Variants in NFIC observed in about 807,000 individuals in gnomAD.
The protein encoded by NFIC is nuclear factor I C, also known as nuclear factor 1 C-type.
Under a neutral mutation model 54.4 loss-of-function variants are expected in NFIC, and 12 were observed. That is an observed-to-expected ratio of 0.22 (90% CI 0.14 to 0.36). The LOEUF is 0.36. NFIC is among the 10% of genes least tolerant of loss of function. The pLI, the probability that NFIC is intolerant of heterozygous loss-of-function variation, is 1.00. For synonymous variants in NFIC, 322 were observed against 319.2 expected, an observed-to-expected ratio of 1.01 and a Z score of -0.09; for missense variants, 575 against 718.2, an observed-to-expected ratio of 0.80 and a Z score of 2.28.
At chr19:3,411,864 A>G (rs953542086) in intron 2 of NFIC, among the ~76,000 whole-genome samples, 2 of 152,152 alleles carry the variant, frequency 1.3e-5, no homozygotes, top group African/African-American at 2.4e-5. Flanking sequence ...TATATTGACC[A>G]GCACCAGGTG....
At chr19:3,361,958 G>T (rs766704064), upstream of NFIC, among the ~76,000 whole-genome samples, 1 of 152,120 alleles carries the variant, frequency 6.6e-6, no homozygotes, top group South Asian at 2.1e-4. Context: ...AGAGACAGAC[G>T]TCACACACAC....
chr19:3,362,556 G>T (rs748364084), upstream of NFIC, among the ~76,000 whole-genome samples: 6 of 151,932 alleles, frequency 3.9e-5, no homozygotes, highest in Non-Finnish European at 7.4e-5. Flanking sequence ...GCTGTGTGTC[G>T]TGTGGAGTCT....
In NFIC at chr19:3,459,437, T is replaced by TA. The variant is rs2082609036; in HGVS notation, c.1509+2804dup. Among the ~76,000 whole-genome samples, 2 of 151,688 alleles carry TA rather than the reference T, an allele frequency of 1.3e-5. No individual in the cohort carries two copies. Among genetic ancestry groups the TA allele is most frequent in the African/African-American group, 4.9e-5 (2 of 41,002 alleles). ...CATTTCTCCTGCACGGGAACCCACG[T>TA]AAGCAGCTGGGTAAACCGAGGGTGG... On this transcript the variant is annotated intron_variant, in intron 10 of 10. Coordinates refer to ENST00000443272, the MANE Select transcript of NFIC (RefSeq NM_001245002.2). This position sits in a 1 kb window ranked among gnomAD's most constrained non-coding sequence, Gnocchi z 4.2.
chr19:3,389,271 G>A (rs1477506222), intron 2 of NFIC, among the ~76,000 whole-genome samples: 3 of 152,156 alleles, frequency 2.0e-5, no homozygotes, highest in Non-Finnish European at 2.9e-5. Flanking sequence ...TGGGAGTGAG[G>A]GACCTGGGTC....
intron 1 of NFIC, among the ~76,000 whole-genome samples, chr19:3,360,895 C>T (rs2080802307): frequency 6.6e-6 from 1 of 152,138 alleles, no homozygotes; most frequent in African/African-American, 2.4e-5. Context: ...TTCCAGGGGA[C>T]AGTTGGGTGC....
At chr19:3,388,440 A>G (rs542461260) in intron 2 of NFIC, among the ~76,000 whole-genome samples, 1 of 152,208 alleles carries the variant, frequency 6.6e-6, no homozygotes, top group African/African-American at 2.4e-5. Flanking sequence ...GAGGAAGCAG[A>G]GACCCAGAGG....
chr19:3,460,504 G>GTT (rs777713502), intron 10 of NFIC, among the ~76,000 whole-genome samples: 1 of 149,766 alleles, frequency 6.7e-6, no homozygotes, highest in Non-Finnish European at 1.5e-5. Flanking sequence ...ATTTTTTTTT[G>GTT]TTTTTTTTTG....
At chr19:3,419,543 C>T (rs1259892468) in intron 2 of NFIC, among the ~76,000 whole-genome samples, 2 of 151,612 alleles carry the variant, frequency 1.3e-5, no homozygotes, top group African/African-American at 2.4e-5. Context: ...CTGAGGCACG[C>T]GGATCACTTG....
intron 1 of NFIC, among the ~76,000 whole-genome samples, chr19:3,378,196 G>GGTTGCTTT (rs1250821703): frequency 1.3e-5 from 2 of 151,702 alleles, no homozygotes; most frequent in African/African-American, 4.8e-5. Flanking sequence ...GGGAGGCGGA[G>GGTTGCTTT]GTTGCAGTGA....
At chr19:3,368,704 C>A (rs1465560001) in intron 1 of NFIC, among the ~76,000 whole-genome samples, 1 of 152,100 alleles carries the variant, frequency 6.6e-6, no homozygotes, top group Non-Finnish European at 1.5e-5. Flanking sequence ...TGAATGTAAT[C>A]CCCACTGTTC....
rs1456510869 is a variant in NFIC at position 3,377,750 on chromosome 19, TA to T, written c.31-3961del. Among the ~76,000 whole-genome samples, 5 of 152,200 alleles carry T rather than the reference TA, an allele frequency of 3.3e-5. No homozygotes were observed. The East Asian group carries it at 9.7e-4, about 29-fold the overall frequency. On this transcript the variant is annotated intron_variant, in intron 1 of 10. Transcript: ENST00000443272. Reference sequence around the variant, plus strand: ...CCTCAGCCTCCTAAGTAGCTAGGACTACAGGTGTGCGCCACAGCAACTATGC... The same window carrying T: ...CCTCAGCCTCCTAAGTAGCTAGGACTCAGGTGTGCGCCACAGCAACTATGC...
In NFIC at chr19:3,464,398, C is replaced by A. The variant is rs2082687673; in HGVS notation, c.*1629C>A. On this transcript the variant is annotated 3_prime_UTR_variant, in exon 11 of 11. Coordinates refer to ENST00000443272, the MANE Select transcript of NFIC (RefSeq NM_001245002.2). Reference sequence around the variant, plus strand: ...TAAGCTGGGGACGCCAGGTGCCCCCCCACCCCGGCTCCCTGGCCCTATCCA... The same window carrying A: ...TAAGCTGGGGACGCCAGGTGCCCCCACACCCCGGCTCCCTGGCCCTATCCA... The A allele has an allele frequency of 2.0e-6, 2 of 984,490 alleles. No homozygotes were observed. Among genetic ancestry groups the A allele is most frequent in the Non-Finnish European group, 2.4e-6 (2 of 829,168 alleles). 61.0% of individuals were successfully genotyped at this position (984,490 alleles called of 1,614,324 possible).
intron 1 of NFIC, among the ~76,000 whole-genome samples, chr19:3,377,046 A>T (rs1026901329): frequency 2.7e-5 from 4 of 145,520 alleles, no homozygotes; most frequent in East Asian, 2.0e-4. Flanking sequence ...CCCATCTCTT[A>T]AAAAAAAAAG....
At chr19:3,410,587 T>A in intron 2 of NFIC, 1 of 152,644 alleles carries the variant, frequency 6.6e-6, no homozygotes. Context: ...TGCAGGGCCT[T>A]GTGGGCCACG....
At chr19:3,416,920 G>A (rs1432761337) in intron 2 of NFIC, among the ~76,000 whole-genome samples, 43 of 143,208 alleles carry the variant, frequency 3.0e-4, no homozygotes, top group Non-Finnish European at 5.0e-4. Context: ...GTCTCGCTCC[G>A]TCGCCCAGGC....
intron 1 of NFIC, among the ~76,000 whole-genome samples, chr19:3,371,998 C>CCTCCCTCT (rs1317268715): frequency 1.7e-4 from 6 of 35,414 alleles, no homozygotes; most frequent in East Asian, 1.9e-3. Flanking sequence ...CCTCTCTCTC[C>CCTCCCTCT]CTCTCTCTCT....
chr19:3,384,997 A>C (rs777110922), intron 2 of NFIC, among the ~76,000 whole-genome samples: 1 of 146,550 alleles, frequency 6.8e-6, no homozygotes, highest in Non-Finnish European at 1.5e-5. Context: ...CAGTCAGCAC[A>C]ACCTCTGGGC....
At position 3,373,964 on chromosome 19, in the gene NFIC, G is replaced by A. The variant is rs145885308; in HGVS notation, c.30+7298G>A. On this transcript the variant is annotated intron_variant, in intron 1 of 10. Coordinates refer to ENST00000443272, the MANE Select transcript of NFIC (RefSeq NM_001245002.2). Reference sequence around the variant, plus strand: ...AAGGTTAGAGCCTGACGCTGGTGCCGGATGGGCCTGGGGTTGTCCGTGGGA... The same window carrying A: ...AAGGTTAGAGCCTGACGCTGGTGCCAGATGGGCCTGGGGTTGTCCGTGGGA... Among the ~76,000 whole-genome samples the A allele has an allele frequency of 2.9e-3, 435 of 152,334 alleles. 2 individuals carry two copies. The highest frequency in any genetic ancestry group is 9.9e-3 in the African/African-American group (412 of 41,582).
At chr19:3,394,531 C>CCCG (rs1555744677) in intron 2 of NFIC, among the ~76,000 whole-genome samples, 1 of 48,890 alleles carries the variant, frequency 2.0e-5, no homozygotes, top group Non-Finnish European at 4.9e-5. Context: ...CCACCCCCCA[C>CCCG]CCGCTTACAC....
Sources: gnomAD v4.1 joint callset for allele counts (sites outside exome capture counted in the v4.1 genomes callset) on GRCh38, gnomAD v4.1.1 for gene constraint, Gnocchi (gnomAD v3.1) non-coding constraint, MANE v1.5 for transcripts, NCBI Gene and HGNC (gene_info 2026-07-23, HGNC 2026-07-21) for gene names.